The following ZBTB7C variants were observed in gnomAD, a reference collection of about 807,000 sequenced individuals.
The protein encoded by ZBTB7C is zinc finger and BTB domain containing 7C.
In ZBTB7C, 8 loss-of-function variants were observed where a neutral mutation model predicts 25.7. That is an observed-to-expected ratio of 0.31 (90% CI 0.18 to 0.56). ZBTB7C has a LOEUF of 0.56. Ranked by LOEUF, ZBTB7C falls within the 20% of genes least tolerant of loss-of-function variation. The pLI is 0.91. For synonymous variants in ZBTB7C, 394 were observed against 369.0 expected (o/e 1.07, Z -0.78); for missense variants, 824 against 855.2 (o/e 0.96, Z 0.46).
chr18:48,164,174 T>C (rs1291812468), intron 3 of ZBTB7C, among the ~76,000 whole-genome samples: 3 of 152,178 alleles, frequency 2.0e-5, no homozygotes, highest in Non-Finnish European at 4.4e-5. Context: ...GGCATGACCC[T>C]CATGAAATAC....
chr18:48,323,661 T>C (rs1487096573), intron 2 of ZBTB7C, among the ~76,000 whole-genome samples: 1 of 152,198 alleles, frequency 6.6e-6, no homozygotes, highest in Non-Finnish European at 1.5e-5. Context: ...TCCCTGCCCC[T>C]TTAGGACACA....
At chr18:48,203,842 C>T (rs1039307115) in intron 2 of ZBTB7C, among the ~76,000 whole-genome samples, 1 of 152,192 alleles carries the variant, frequency 6.6e-6, no homozygotes, top group Non-Finnish European at 1.5e-5. Flanking sequence ...AAGGTGCAGG[C>T]AGCCCCCCAC....
chr18:48,050,449 T>C (rs1307553316), intron 3 of ZBTB7C, among the ~76,000 whole-genome samples: 1 of 152,168 alleles, frequency 6.6e-6, no homozygotes, highest in Non-Finnish European at 1.5e-5. Context: ...CCCCACCTGC[T>C]CTGCCACCCT....
intron 2 of ZBTB7C, among the ~76,000 whole-genome samples, chr18:48,280,848 C>CTTTTTTTTT (rs55760047): frequency 1.3e-5 from 1 of 79,892 alleles, no homozygotes; most frequent in Non-Finnish European, 2.5e-5. Context: ...TTTTCTCTCT[C>CTTTTTTTTT]TTTTTTTTTT....
At chr18:48,369,781 A>G (rs11663926) in intron 1 of ZBTB7C, among the ~76,000 whole-genome samples, 16,579 of 152,218 alleles carry the variant, frequency 0.11, 1,053 homozygotes, top group Non-Finnish European at 0.14. Context: ...AGAGAAATCC[A>G]CAAATCCACA....
intron 3 of ZBTB7C, among the ~76,000 whole-genome samples, chr18:48,117,299 G>A (rs1468109748): frequency 6.6e-6 from 1 of 152,186 alleles, no homozygotes; most frequent in Non-Finnish European, 1.5e-5. Flanking sequence ...ATCTACAGCC[G>A]AGGTGGGCAG....
At chr18:48,229,523 T>C (rs2043193926) in intron 2 of ZBTB7C, among the ~76,000 whole-genome samples, 1 of 152,198 alleles carries the variant, frequency 6.6e-6, no homozygotes, top group South Asian at 2.1e-4. Context: ...ACAGTTCATT[T>C]ATAAGAAGTT....
chr18:48,286,876 C>A (rs1304298807), intron 2 of ZBTB7C, among the ~76,000 whole-genome samples: 1 of 151,932 alleles, frequency 6.6e-6, no homozygotes, highest in African/African-American at 2.4e-5. Context: ...ACACGGCAAA[C>A]CCCCCTCTTG....
chr18:48,314,119 T>C (rs779761589), intron 2 of ZBTB7C, among the ~76,000 whole-genome samples: 1 of 152,228 alleles, frequency 6.6e-6, no homozygotes, highest in Non-Finnish European at 1.5e-5. Context: ...TCTCAGGTAT[T>C]CCTTCGTAGC....
intron 1 of ZBTB7C, among the ~76,000 whole-genome samples, chr18:48,388,683 A>G (rs1426812847): frequency 6.6e-6 from 1 of 152,182 alleles, no homozygotes; most frequent in Non-Finnish European, 1.5e-5. Context: ...CAGGAGGTCA[A>G]AGCTACAGTG....
At chr18:48,311,305 AC>A (rs2045813274) in intron 2 of ZBTB7C, among the ~76,000 whole-genome samples, 1 of 152,208 alleles carries the variant, frequency 6.6e-6, no homozygotes, top group Non-Finnish European at 1.5e-5. Context: ...AGCACACAGT[AC>A]CATCGCAAGT....
At chr18:48,065,655 G>A (rs1469659455) in intron 3 of ZBTB7C, among the ~76,000 whole-genome samples, 1 of 152,166 alleles carries the variant, frequency 6.6e-6, no homozygotes, top group South Asian at 2.1e-4. Flanking sequence ...CCACTGGTTG[G>A]GAAGCTGTGG....
At chr18:48,230,016 C>T (rs80041678) in intron 2 of ZBTB7C, among the ~76,000 whole-genome samples, 51 of 152,282 alleles carry the variant, frequency 3.3e-4, no homozygotes, top group African/African-American at 1.2e-3. Flanking sequence ...GGGAGGGCCT[C>T]GAAGCAGAGC....
chr18:48,125,934 G>A (rs1337744599), intron 3 of ZBTB7C, among the ~76,000 whole-genome samples: 3 of 152,164 alleles, frequency 2.0e-5, no homozygotes, highest in African/African-American at 7.2e-5. Flanking sequence ...ATCCTGGAAG[G>A]GCCCTGCCAA....
chr18:48,382,957 T>C (rs1468006066), intron 1 of ZBTB7C, among the ~76,000 whole-genome samples: 2 of 152,208 alleles, frequency 1.3e-5, no homozygotes, highest in African/African-American at 2.4e-5. Flanking sequence ...CATAAACATT[T>C]TGATTGTTGA....
chr18:48,141,760 C>T lies in ZBTB7C; in HGVS notation c.-17+44174G>A, dbSNP rs908631826. On this transcript the variant is annotated intron_variant, in intron 3 of 4. Transcript: ENST00000590800. ...ATGTTTAATTAAATTTTGAGGAAAA[C>T]TGAAAGAAAATGGAACCAGCTCAAG... Among the ~76,000 whole-genome samples the T allele has an allele frequency of 3.3e-5, 5 of 152,232 alleles. No homozygotes were observed. In the South Asian group the frequency reaches 8.3e-4, roughly 25 times the overall value.
chr18:48,352,832 C>G (rs1191504622), intron 1 of ZBTB7C, among the ~76,000 whole-genome samples: 1 of 152,114 alleles, frequency 6.6e-6, no homozygotes, highest in East Asian at 1.9e-4. Context: ...GGGGGTAGCT[C>G]TGTGGAAAGC....
intron 3 of ZBTB7C, among the ~76,000 whole-genome samples, chr18:48,130,650 T>C (rs1041998892): frequency 7.2e-5 from 11 of 152,156 alleles, no homozygotes; most frequent in Non-Finnish European, 1.5e-4. Context: ...AAGCCCCCTT[T>C]TATAAATAAA....
chr18:48,041,636 G>T, intron 3 of ZBTB7C: 2 of 802,852 alleles, frequency 2.5e-6, no homozygotes, highest in Non-Finnish European at 3.0e-6. Context: ...CAAATTTCGT[G>T]GCCCATTTTC....
Sources: gnomAD v4.1 joint callset for allele counts (sites outside exome capture counted in the v4.1 genomes callset) on GRCh38, gnomAD v4.1.1 for gene constraint, MANE v1.5 for transcripts, NCBI Gene and HGNC (gene_info 2026-07-23, HGNC 2026-07-21) for gene names.